FAM107A: variants seen among roughly 807,000 people sequenced by gnomAD.
FAM107A encodes the protein family with sequence similarity 107 member A.
In FAM107A, 19 loss-of-function variants were observed where a neutral mutation model predicts 13.7. The ratio of observed to expected loss-of-function variants is 1.38; its 90% CI spans 0.97 to 2.03. The LOEUF (loss-of-function observed/expected upper bound fraction) is 2.03, where lower values mean the gene tolerates loss of function less well. Among genes scored for constraint, FAM107A ranks in the 30% most tolerant of loss-of-function variants. FAM107A has a pLI of 0.00. For synonymous variants in FAM107A, 82 were observed against 74.5 expected (o/e 1.10, Z -0.52); for missense variants, 203 against 184.4 (o/e 1.10, Z -0.58).
chr3:58,606,543 A>G (rs1357708151), intron 1 of FAM107A, among the ~76,000 whole-genome samples: 3 of 152,242 alleles, frequency 2.0e-5, no homozygotes, highest in Non-Finnish European at 2.9e-5. Flanking sequence ...CCCTTAGGGA[A>G]TGCTATAGTC....
chr3:58,612,167 C>G (rs746043517), intron 1 of FAM107A, among the ~76,000 whole-genome samples: 59 of 151,950 alleles, frequency 3.9e-4, no homozygotes, highest in Non-Finnish European at 5.9e-4. Context: ...ATAAAGGATG[C>G]GCACCAAAAT....
In FAM107A at chr3:58,567,266, T is replaced by C. The variant is rs769675085; in HGVS notation, c.269A>G (p.Lys90Arg). The C allele has an allele frequency of 6.2e-7, 1 of 1,614,066 alleles. No individual in the cohort carries two copies. The highest frequency in any genetic ancestry group is 1.1e-5 in the South Asian group (1 of 91,058). The change falls in exon 3 of 4, where the codon AAG becomes AGG. Residue 90 changes from lysine (K) to arginine (R), a missense_variant. Coordinates refer to ENST00000360997, the MANE Select transcript of FAM107A (RefSeq NM_001076778.3). ...IKKKKEELEA[K>R]RLQCPFEQEL... The stretch of plus-strand genomic sequence containing the variant: ...CTGCTCAAAGGGGCACTGCAGCCGC[T>C]TGGCTTCCAGCTCCTCCTTCTTCTT...
intron 1 of FAM107A, among the ~76,000 whole-genome samples, chr3:58,622,528 T>C (rs749455466): frequency 6.6e-6 from 1 of 152,196 alleles, no homozygotes; most frequent in Non-Finnish European, 1.5e-5. Flanking sequence ...CCTTCTTCCT[T>C]TCCGTCATCT....
chr3:58,582,338 C>T (rs557001775), upstream of FAM107A, among the ~76,000 whole-genome samples: 12 of 152,324 alleles, frequency 7.9e-5, no homozygotes, highest in African/African-American at 2.9e-4. Flanking sequence ...GCTGCGTCTG[C>T]CCCTCTGGCT....
At chr3:58,618,603 A>T (rs1222280247) in intron 1 of FAM107A, among the ~76,000 whole-genome samples, 3 of 152,258 alleles carry the variant, frequency 2.0e-5, no homozygotes, top group Non-Finnish European at 4.4e-5. Flanking sequence ...GTGGACTAAG[A>T]TTAAAGTGGA....
chr3:58,610,488 C>T (rs1367124540), intron 1 of FAM107A, among the ~76,000 whole-genome samples: 1 of 152,222 alleles, frequency 6.6e-6, no homozygotes, highest in Non-Finnish European at 1.5e-5. Flanking sequence ...GCTGTGGGCT[C>T]TGCCTTGGTA....
At position 58,613,369 on chromosome 3, in the gene FAM107A, G is replaced by C. The variant is rs1160040766; in HGVS notation, c.-70+14047C>G. On this transcript the variant is annotated intron_variant, in intron 1 of 3. Transcript: ENST00000465970. The surrounding 1 kb of genome is among the most constrained non-coding windows in gnomAD (Gnocchi z 4.6). ...AGGCTTCTCATGCTGTGCTAGAGCT[G>C]ACTCTAGTGAGCTGACCTCAGCCCT... is the stretch of plus-strand genomic sequence containing the variant. Among the ~76,000 whole-genome samples, 3 of 152,294 alleles carry C rather than the reference G, an allele frequency of 2.0e-5. No individual in the cohort carries two copies. The East Asian group carries it at 5.8e-4, about 29-fold the overall frequency.
chr3:58,571,660 C>G (rs1160713641), intron 1 of FAM107A, among the ~76,000 whole-genome samples: 1 of 152,192 alleles, frequency 6.6e-6, no homozygotes, highest in African/African-American at 2.4e-5. Context: ...CGTATTAGAA[C>G]ACCTGGATTC....
At chr3:58,612,329 C>T (rs1262212147) in intron 1 of FAM107A, among the ~76,000 whole-genome samples, 1 of 152,184 alleles carries the variant, frequency 6.6e-6, no homozygotes, top group Non-Finnish European at 1.5e-5. Context: ...CTTCTAATCC[C>T]AGCATTTTGG....
chr3:58,570,700 T>C (rs2063675401), intron 1 of FAM107A, among the ~76,000 whole-genome samples: 1 of 151,952 alleles, frequency 6.6e-6, no homozygotes, highest in African/African-American at 2.4e-5. Context: ...ATTAGCTGCT[T>C]ATAGGAATTT....
At chr3:58,626,990 C>T in intron 1 of FAM107A, 1 of 1,536,012 alleles carries the variant, frequency 6.5e-7, no homozygotes, top group Non-Finnish European at 8.7e-7. Flanking sequence ...CTGGGCTGCT[C>T]CCATGGCACG....
chr3:58,627,084 G>GGGGCTCCCGGGGCGA (rs2066026056), intron 1 of FAM107A: 1 of 1,297,208 alleles, frequency 7.7e-7, no homozygotes, highest in African/African-American at 1.5e-5. Flanking sequence ...CAGGACCCAA[G>GGGGCTCCCGGGGCGA]GGGCTCCCGG....
chr3:58,614,751 C>T (rs2065886067), intron 1 of FAM107A, among the ~76,000 whole-genome samples: 1 of 152,092 alleles, frequency 6.6e-6, no homozygotes, highest in South Asian at 2.1e-4. Flanking sequence ...GTGATCCACC[C>T]ACCTTGGCCT....
At chr3:58,610,509 C>T (rs566366841) in intron 1 of FAM107A, among the ~76,000 whole-genome samples, 28 of 152,282 alleles carry the variant, frequency 1.8e-4, no homozygotes, top group South Asian at 8.3e-4. Flanking sequence ...TAGATCTCTA[C>T]CCTGACACTT....
intron 1 of FAM107A, among the ~76,000 whole-genome samples, chr3:58,624,517 G>A (rs544148212): frequency 3.3e-5 from 5 of 152,194 alleles, no homozygotes; most frequent in African/African-American, 1.2e-4. Context: ...TCCTCCTGGG[G>A]GGCCATTACA....
rs748315376 is a variant in FAM107A at position 58,567,263 on chromosome 3, C to T, written c.272G>A (p.Arg91Gln). The change falls in exon 3 of 4, where the codon CGG becomes CAG. Residue 91 changes from arginine (R) to glutamine (Q), a missense_variant. Coordinates refer to ENST00000360997, the MANE Select transcript of FAM107A (RefSeq NM_001076778.3). ...KKKKEELEAK[R>Q]LQCPFEQELL... ...CTCCTGCTCAAAGGGGCACTGCAGC[C>T]GCTTGGCTTCCAGCTCCTCCTTCTT... The T allele has an allele frequency of 3.7e-5, 60 of 1,613,964 alleles. No individual in the cohort carries two copies. Among genetic ancestry groups the T allele is most frequent in the Non-Finnish European group, 4.4e-5 (52 of 1,180,006 alleles).
rs995347036 is a variant in FAM107A, at chr3:58,618,681, G to A, written c.-70+8735C>T. Among the ~76,000 whole-genome samples the A allele has an allele frequency of 5.3e-5, 8 of 152,234 alleles. No homozygotes were observed. The East Asian group carries it at 1.3e-3, about 26-fold the overall frequency. ...GAAATGAGATTTGGCCCCAAGGCCC[G>A]AGGATGGGGGGAAGGTGCCCATCTT... is the stretch of plus-strand genomic sequence containing the variant. On this transcript the variant is annotated intron_variant, in intron 1 of 3. Transcript: ENST00000465970.
intron 1 of FAM107A, among the ~76,000 whole-genome samples, chr3:58,624,935 G>A (rs1448296454): frequency 1.3e-5 from 2 of 152,086 alleles, no homozygotes; most frequent in Non-Finnish European, 2.9e-5. Flanking sequence ...GCTCCACATA[G>A]GCCCTGGCAT....
At chr3:58,583,224 T>C (rs1239198994) in intron 1 of FAM107A, among the ~76,000 whole-genome samples, 1 of 152,234 alleles carries the variant, frequency 6.6e-6, no homozygotes, top group Non-Finnish European at 1.5e-5. Flanking sequence ...TTTCCAAATG[T>C]TATGTGTGGC....
Sources: allele counts gnomAD v4.1 joint callset (sites outside exome capture counted in the v4.1 genomes callset), GRCh38; gene constraint gnomAD v4.1.1; non-coding constraint Gnocchi (gnomAD v3.1); transcripts MANE v1.5; gene names NCBI Gene and HGNC (gene_info 2026-07-23, HGNC 2026-07-21).